COL8A1: variants seen among roughly 807,000 people sequenced by gnomAD.
COL8A1 encodes collagen type VIII alpha 1 chain, also known as collagen alpha-1(VIII) chain.
In COL8A1, 21 loss-of-function variants were observed where a neutral mutation model predicts 42.7. The ratio of observed to expected loss-of-function variants is 0.49; its 90% CI spans 0.35 to 0.71. COL8A1 has a LOEUF of 0.71. Ranked by LOEUF, COL8A1 falls within the 30% of genes least tolerant of loss-of-function variation. The pLI, the probability that COL8A1 is intolerant of heterozygous loss-of-function variation, is 0.01. For missense variants in COL8A1, 788 were observed against 962.4 expected, an observed-to-expected ratio of 0.82 and a Z score of 2.40; for synonymous variants, 367 against 369.1, an observed-to-expected ratio of 0.99 and a Z score of 0.06.
intron 1 of COL8A1, among the ~76,000 whole-genome samples, chr3:99,657,851 C>T (rs942537613): frequency 2.0e-5 from 3 of 152,198 alleles, no homozygotes; most frequent in East Asian, 1.9e-4. Context: ...TTCAGAGGAC[C>T]GGGCACGGTG....
At chr3:99,689,638 T>G (rs1331277976) in intron 1 of COL8A1, among the ~76,000 whole-genome samples, 1 of 152,238 alleles carries the variant, frequency 6.6e-6, no homozygotes, top group Non-Finnish European at 1.5e-5. Context: ...TTTAGCAATA[T>G]GTAATTCTTC....
intron 1 of COL8A1, among the ~76,000 whole-genome samples, chr3:99,731,710 G>C (rs989660550): frequency 6.6e-6 from 1 of 152,014 alleles, no homozygotes; most frequent in Non-Finnish European, 1.5e-5. Flanking sequence ...CATTTGTTTT[G>C]GTTTTTGTTC....
intron 1 of COL8A1, among the ~76,000 whole-genome samples, chr3:99,733,938 A>C (rs2107388717): frequency 6.6e-6 from 1 of 152,146 alleles, no homozygotes; most frequent in East Asian, 1.9e-4. Context: ...TTGGCTGCAT[A>C]AATGTCTTCT....
chr3:99,749,700 A>C (rs1941100385), intron 2 of COL8A1, among the ~76,000 whole-genome samples: 1 of 152,162 alleles, frequency 6.6e-6, no homozygotes. Context: ...CAAAGGTCTT[A>C]TGTAAAAAAA....
chr3:99,785,724 GA>G (rs1191021180), intron 2 of COL8A1, among the ~76,000 whole-genome samples: 1 of 152,188 alleles, frequency 6.6e-6, no homozygotes, highest in East Asian at 1.9e-4. Context: ...ACACATGGAA[GA>G]AAGACTGTGT....
At chr3:99,705,298 C>A (rs146264442) in intron 1 of COL8A1, among the ~76,000 whole-genome samples, 93 of 152,288 alleles carry the variant, frequency 6.1e-4, no homozygotes, top group Admixed American at 2.4e-3. Flanking sequence ...AAGTAGGCCT[C>A]TGAGGGCCAG....
chr3:99,756,581 T>C (rs570842405), intron 2 of COL8A1, among the ~76,000 whole-genome samples: 4 of 152,188 alleles, frequency 2.6e-5, no homozygotes, highest in Non-Finnish European at 5.9e-5. Flanking sequence ...AAAAAGAATG[T>C]TAAATATCGG....
chr3:99,663,401 C>A (rs1938267369), intron 1 of COL8A1, among the ~76,000 whole-genome samples: 1 of 152,130 alleles, frequency 6.6e-6, no homozygotes, highest in South Asian at 2.1e-4. Context: ...TAGGGCCTCT[C>A]AAAATTGTCG....
chr3:99,768,159 G>A (rs1279952788), intron 2 of COL8A1, among the ~76,000 whole-genome samples: 1 of 152,134 alleles, frequency 6.6e-6, no homozygotes, highest in Non-Finnish European at 1.5e-5. Context: ...CCTGGATAAG[G>A]GGCTCCCATA....
chr3:99,690,584 A>G (rs1307007553), intron 1 of COL8A1, among the ~76,000 whole-genome samples: 1 of 152,174 alleles, frequency 6.6e-6, no homozygotes, highest in East Asian at 1.9e-4. Flanking sequence ...ATATTATTGG[A>G]TGTGGATGAT....
At chr3:99,766,331 T>G (rs972706323) in intron 2 of COL8A1, among the ~76,000 whole-genome samples, 1 of 152,178 alleles carries the variant, frequency 6.6e-6, no homozygotes, top group Non-Finnish European at 1.5e-5. Flanking sequence ...CATAGGCTCT[T>G]TCCACCTTGC....
chr3:99,690,135 A>G (rs1238849687), intron 1 of COL8A1, among the ~76,000 whole-genome samples: 1 of 152,218 alleles, frequency 6.6e-6, no homozygotes, highest in Non-Finnish European at 1.5e-5. Context: ...GTTCTACAGG[A>G]TCTTAATAGG....
At chr3:99,726,850 C>T (rs1185366737) in intron 1 of COL8A1, among the ~76,000 whole-genome samples, 1 of 152,036 alleles carries the variant, frequency 6.6e-6, no homozygotes, top group Non-Finnish European at 1.5e-5. Flanking sequence ...TAGTGTGATG[C>T]CTCCAGCTTT....
intron 1 of COL8A1, among the ~76,000 whole-genome samples, chr3:99,665,427 G>A (rs958791747): frequency 2.2e-4 from 34 of 152,174 alleles, no homozygotes; most frequent in African/African-American, 7.9e-4. Flanking sequence ...GTTCTTCTGG[G>A]GTCTCTTAGT....
At chr3:99,695,602 G>A (rs904140623) in intron 1 of COL8A1, among the ~76,000 whole-genome samples, 9 of 151,036 alleles carry the variant, frequency 6.0e-5, no homozygotes, top group South Asian at 2.1e-4. Flanking sequence ...CTCTCTCTCC[G>A]TCTTTCCCTC....
chr3:99,702,851 G>A (rs1939580009), intron 1 of COL8A1, among the ~76,000 whole-genome samples: 1 of 152,184 alleles, frequency 6.6e-6, no homozygotes, highest in Admixed American at 6.5e-5. Flanking sequence ...AAAACGTGTT[G>A]TTAGGTGGAG....
intron 1 of COL8A1, among the ~76,000 whole-genome samples, chr3:99,726,460 G>C (rs1940329558): frequency 2.0e-5 from 3 of 151,320 alleles, no homozygotes; most frequent in Non-Finnish European, 4.4e-5. Context: ...CATTGCTTTT[G>C]ATGTTTTAGA....
intron 2 of COL8A1, among the ~76,000 whole-genome samples, chr3:99,763,036 G>C (rs904163674): frequency 6.6e-6 from 1 of 152,172 alleles, no homozygotes; most frequent in Non-Finnish European, 1.5e-5. Context: ...TTTGGAACTA[G>C]AAATTCAAGA....
chr3:99,720,292 C>T (rs1269548423), intron 1 of COL8A1, among the ~76,000 whole-genome samples: 1 of 152,016 alleles, frequency 6.6e-6, no homozygotes, highest in African/African-American at 2.4e-5. Flanking sequence ...GCTGACCCAG[C>T]CTCAGAACAT....
Sources: allele counts gnomAD v4.1 joint callset (sites outside exome capture counted in the v4.1 genomes callset), GRCh38; gene constraint gnomAD v4.1.1; transcripts MANE v1.5; gene names NCBI Gene and HGNC (gene_info 2026-07-23, HGNC 2026-07-21).